The following PARD3 variants were observed in gnomAD, a reference collection of about 807,000 sequenced individuals.
PARD3 encodes the protein par-3 family cell polarity regulator.
Under a neutral mutation model 155.4 loss-of-function variants are expected in PARD3, and 75 were observed. The ratio of observed to expected loss-of-function variants is 0.48; its 90% CI spans 0.40 to 0.58. The LOEUF (loss-of-function observed/expected upper bound fraction) is 0.58, where lower values mean the gene tolerates loss of function less well. Ranked by LOEUF, PARD3 falls within the 20% of genes least tolerant of loss-of-function variation. The pLI, the probability that PARD3 is intolerant of heterozygous loss-of-function variation, is 0.00. For synonymous variants in PARD3, 576 were observed against 610.5 expected (o/e 0.94, Z 0.83); for missense variants, 1,642 against 1,721.7 (o/e 0.95, Z 0.82).
At chr10:34,423,560 G>A (rs1381840232) in intron 5 of PARD3, among the ~76,000 whole-genome samples, 1 of 151,952 alleles carries the variant, frequency 6.6e-6, no homozygotes, top group South Asian at 2.1e-4. Flanking sequence ...TTCAAATCAA[G>A]TCGTGCACAA....
At position 34,815,111 on chromosome 10, in the gene PARD3, G is replaced by C; in HGVS notation, c.-116C>G. 1 of 535,266 alleles carries C rather than the reference G, an allele frequency of 1.9e-6. No homozygotes were observed. Among genetic ancestry groups the C allele is most frequent in the Non-Finnish European group, 2.4e-6 (1 of 410,566 alleles). 33.2% of individuals were successfully genotyped at this position (535,266 alleles called of 1,614,324 possible). A position where few individuals can be genotyped will look rare whatever the true frequency, so the allele number is the denominator to read the frequency against. On this transcript the variant is annotated 5_prime_UTR_variant, in exon 1 of 25. Transcript: ENST00000374788. ...CGCTGGGGACTCGGGCGCGCGGGCGGCTAGGGGCGCGGGCAGGCGGCGGCG... is the reference window on the plus strand; with the variant it reads ...CGCTGGGGACTCGGGCGCGCGGGCGCCTAGGGGCGCGGGCAGGCGGCGGCG...
At chr10:34,610,920 A>C (rs1347536408) in intron 2 of PARD3, among the ~76,000 whole-genome samples, 1 of 152,106 alleles carries the variant, frequency 6.6e-6, no homozygotes, top group African/African-American at 2.4e-5. Flanking sequence ...GGGAGTTTGA[A>C]ATTTTCAGCT....
intron 1 of PARD3, among the ~76,000 whole-genome samples, chr10:34,718,457 C>T (rs1310612631): frequency 6.6e-6 from 1 of 151,466 alleles, no homozygotes; most frequent in Non-Finnish European, 1.5e-5. Context: ...CCCAGGAGTT[C>T]AAGACCAGCT....
intron 2 of PARD3, among the ~76,000 whole-genome samples, chr10:34,617,405 G>C (rs2091330773): frequency 6.6e-6 from 1 of 152,176 alleles, no homozygotes; most frequent in South Asian, 2.1e-4. Flanking sequence ...TTAAGTTCTA[G>C]TGGTCTAAGG....
At chr10:34,683,051 C>T (rs1426279405) in intron 2 of PARD3, among the ~76,000 whole-genome samples, 1 of 152,176 alleles carries the variant, frequency 6.6e-6, no homozygotes. Context: ...AAGGCTTAAT[C>T]TTAAACTTAA....
intron 1 of PARD3, among the ~76,000 whole-genome samples, chr10:34,711,303 T>A (rs2094446014): frequency 1.3e-5 from 2 of 152,166 alleles, no homozygotes; most frequent in Admixed American, 6.5e-5. Flanking sequence ...GTGGATCACT[T>A]GAGGTCAGGA....
chr10:34,613,148 C>A (rs1245272135), intron 2 of PARD3, among the ~76,000 whole-genome samples: 1 of 152,118 alleles, frequency 6.6e-6, no homozygotes, highest in Non-Finnish European at 1.5e-5. Flanking sequence ...TCAATCATTT[C>A]AAGTTATTTT....
chr10:34,377,866 A>G (rs1841413744), intron 10 of PARD3, 101 bp downstream of exon 10: 10 of 899,644 alleles, frequency 1.1e-5, no homozygotes, highest in Non-Finnish European at 1.5e-5. Context: ...TAAAATGTAT[A>G]TAACTGAATT....
At chr10:34,593,125 C>G (rs576587823) in intron 2 of PARD3, among the ~76,000 whole-genome samples, 2 of 152,010 alleles carry the variant, frequency 1.3e-5, no homozygotes, top group African/African-American at 4.8e-5. Flanking sequence ...TGTTACAGAG[C>G]AGAGCTAGAT....
At chr10:34,483,708 C>T (rs1031915757) in intron 3 of PARD3, among the ~76,000 whole-genome samples, 1 of 152,068 alleles carries the variant, frequency 6.6e-6, no homozygotes, top group Non-Finnish European at 1.5e-5. Context: ...AAACAGTGCC[C>T]GGAAAACTAA....
At chr10:34,287,072 A>G (rs1396097834) in intron 20 of PARD3, among the ~76,000 whole-genome samples, 2 of 152,164 alleles carry the variant, frequency 1.3e-5, no homozygotes, top group Non-Finnish European at 2.9e-5. Context: ...TGAAGATATC[A>G]TAACGGCAAA....
At chr10:34,312,287 G>A in intron 20 of PARD3, 1 of 1,604,312 alleles carries the variant, frequency 6.2e-7, no homozygotes, top group Non-Finnish European at 8.5e-7. Context: ...TTTATTGTTT[G>A]TTTAAAAAAA....
intron 5 of PARD3, among the ~76,000 whole-genome samples, chr10:34,412,495 T>C (rs1401800058): frequency 6.6e-6 from 1 of 152,204 alleles, no homozygotes; most frequent in Non-Finnish European, 1.5e-5. Flanking sequence ...GTGTAACCTT[T>C]AGAAATATTT....
chr10:34,192,424 G>C (rs1422259775), intron 22 of PARD3, among the ~76,000 whole-genome samples: 1 of 152,024 alleles, frequency 6.6e-6, no homozygotes, highest in African/African-American at 2.4e-5. Context: ...CTGCCCTTTT[G>C]GTTCTTGTGT....
chr10:34,223,948 C>T (rs1952452204), intron 22 of PARD3, among the ~76,000 whole-genome samples: 1 of 152,160 alleles, frequency 6.6e-6, no homozygotes, highest in Admixed American at 6.5e-5. Flanking sequence ...AGCCTAATCA[C>T]TTTTCTAAAT....
chr10:34,303,471 CA>C (rs10647298), intron 20 of PARD3, among the ~76,000 whole-genome samples: 7 of 146,792 alleles, frequency 4.8e-5, no homozygotes, highest in Non-Finnish European at 6.0e-5. Context: ...ACCTCCATTC[CA>C]AAAAAAAAAG....
At chr10:34,776,061 C>A (rs933373308) in intron 1 of PARD3, among the ~76,000 whole-genome samples, 3 of 152,120 alleles carry the variant, frequency 2.0e-5, no homozygotes, top group Non-Finnish European at 4.4e-5. Flanking sequence ...CTTGTCTCTA[C>A]TAAAAATTTA....
At chr10:34,531,793 CTTCACA>C (rs1353604997) in intron 2 of PARD3, among the ~76,000 whole-genome samples, 1 of 152,140 alleles carries the variant, frequency 6.6e-6, no homozygotes, top group Non-Finnish European at 1.5e-5. Flanking sequence ...ACTAGTGGCA[CTTCACA>C]TGGGTCCCTT....
intron 22 of PARD3, among the ~76,000 whole-genome samples, chr10:34,200,047 T>C (rs961999604): frequency 9.2e-5 from 14 of 152,228 alleles, no homozygotes; most frequent in Non-Finnish European, 1.3e-4. Context: ...AGTGGATTTT[T>C]ATAAATGAAC....
Sources: gnomAD v4.1 joint callset for allele counts (sites outside exome capture counted in the v4.1 genomes callset) on GRCh38, gnomAD v4.1.1 for gene constraint, MANE v1.5 for transcripts, NCBI Gene and HGNC (gene_info 2026-07-23, HGNC 2026-07-21) for gene names.